CYP2U1: variants seen among roughly 807,000 people sequenced by gnomAD.
The protein encoded by CYP2U1 is cytochrome P450 2U1.
In CYP2U1, 28 loss-of-function variants were observed where a neutral mutation model predicts 42.8. That is an observed-to-expected ratio of 0.65 (90% confidence interval 0.48 to 0.90). CYP2U1 has a LOEUF of 0.90. CYP2U1 is among the 40% of genes least tolerant of loss of function. CYP2U1 has a pLI of 0.00. For missense variants in CYP2U1, 642 were observed against 693.8 expected (o/e 0.93, Z 0.84); for synonymous variants, 296 against 278.9 (o/e 1.06, Z -0.61).
intron 1 of CYP2U1, among the ~76,000 whole-genome samples, chr4:107,943,374 T>C (rs181298288): frequency 5.2e-4 from 79 of 152,314 alleles, no homozygotes; most frequent in Admixed American, 4.5e-3. Context: ...TCTGAGGAAG[T>C]CCAATGGTAA....
intron 1 of CYP2U1, among the ~76,000 whole-genome samples, chr4:107,941,583 A>G (rs577577177): frequency 3.3e-5 from 5 of 151,922 alleles, no homozygotes; most frequent in African/African-American, 9.7e-5. Context: ...TAAACCAGGT[A>G]AGGTAGCAAA....
chr4:107,936,481 T>A (rs1475945163), intron 1 of CYP2U1: 1 of 152,988 alleles, frequency 6.5e-6, no homozygotes, highest in Non-Finnish European at 1.5e-5. Flanking sequence ...TTTCATCCTC[T>A]CTTACCCTTC....
At chr4:107,937,032 GA>G (rs1733297012) in intron 1 of CYP2U1, among the ~76,000 whole-genome samples, 1 of 152,184 alleles carries the variant, frequency 6.6e-6, no homozygotes, top group African/African-American at 2.4e-5. Context: ...AGTAGAAAAA[GA>G]AACACTGATT....
chr4:107,948,987 C>G (rs1285031815), intron 3 of CYP2U1, among the ~76,000 whole-genome samples: 1 of 152,096 alleles, frequency 6.6e-6, no homozygotes, highest in African/African-American at 2.4e-5. Context: ...ACATAAATGA[C>G]CCTGTAAACT....
chr4:107,934,171 T>G (rs938393281), intron 1 of CYP2U1, among the ~76,000 whole-genome samples: 1 of 79,660 alleles, frequency 1.3e-5, no homozygotes, highest in Non-Finnish European at 2.4e-5. Context: ...TCACCAACAC[T>G]TCTTTTTTTT....
At chr4:107,934,260 C>G (rs570763724) in intron 1 of CYP2U1, among the ~76,000 whole-genome samples, 47 of 151,608 alleles carry the variant, frequency 3.1e-4, no homozygotes, top group Non-Finnish European at 1.9e-4. Context: ...GCTTCCCTAC[C>G]CTGCAGAAGG....
chr4:107,948,427 G>T (rs1056860248), intron 3 of CYP2U1, among the ~76,000 whole-genome samples: 1 of 152,076 alleles, frequency 6.6e-6, no homozygotes, highest in African/African-American at 2.4e-5. Flanking sequence ...AGCCAGGCAT[G>T]GTGGCACACT....
At chr4:107,947,971 A>T (rs1733760629) in intron 3 of CYP2U1, among the ~76,000 whole-genome samples, 1 of 152,194 alleles carries the variant, frequency 6.6e-6, no homozygotes, top group Admixed American at 6.5e-5. Flanking sequence ...AAGCATAAAT[A>T]TGAAATAATT....
In CYP2U1 at chr4:107,945,264, G is replaced by C. The variant is rs764172871; in HGVS notation, c.785G>C (p.Cys262Ser). 3 of 1,614,068 alleles carry C rather than the reference G, an allele frequency of 1.9e-6. No individual in the cohort carries two copies. The Admixed American group carries it at 5.0e-5, about 27-fold the overall frequency. ...TTTATGTCACGAGGCCTAGAAATCT[G>C]TCTGAACAGTCAAGTCCTCCTGGTC... ...LGFMSRGLEI[C>S]LNSQVLLVNI... Residue 262 changes from cysteine to serine, a missense_variant, in exon 2 of 5, where the codon TGT becomes TCT. Cys to Ser is a moderately radical substitution (Grantham distance 112). Coordinates refer to ENST00000332884, the MANE Select transcript of CYP2U1 (RefSeq NM_183075.3).
At position 107,952,034 on chromosome 4, in the gene CYP2U1, G is replaced by A. The variant is rs567686804; in HGVS notation, c.*1611G>A. The A allele has an allele frequency of 6.6e-6, 1 of 152,426 alleles. No homozygotes were observed. Among genetic ancestry groups the A allele is most frequent in the East Asian group, 1.9e-4 (1 of 5,184 alleles). The allele number at this position is 152,426 out of a possible 1,614,324, so 9.4% of individuals were successfully genotyped here. The stretch of plus-strand genomic sequence containing the variant: ...CCCCTTGGCCTCATGCTGGAGTTGT[G>A]TGTGTCTGTCTTCATCCCAGGCTGA... On this transcript the variant is annotated 3_prime_UTR_variant, in exon 5 of 5. Coordinates refer to ENST00000332884, the MANE Select transcript of CYP2U1 (RefSeq NM_183075.3).
chr4:107,932,111 C>T lies in CYP2U1; in HGVS notation c.468C>T (p.Ile156=), dbSNP rs1168420766. 6.2e-7 allele frequency: 1 copy of T among 1,603,242 alleles called. No individual in the cohort carries two copies. ...VFSDRPRVPL[I]SIVTKEKGVV... ...GCGACCGCCCGCGGGTGCCGCTCAT[C>T]TCCATCGTGACCAAGGAGAAGGGTG... Residue 156 remains isoleucine, a synonymous_variant, in exon 1 of 5, where the codon ATC becomes ATT. Transcript: ENST00000332884.
In CYP2U1 at chr4:107,944,852, T is replaced by TATATACATATATATA. The variant is rs536313224; in HGVS notation, c.491-118_491-117insATATACATATATATA. On this transcript the variant is annotated intron_variant, in intron 1 of 4. Coordinates refer to ENST00000332884, the MANE Select transcript of CYP2U1 (RefSeq NM_183075.3). ...TCTTTATATATACATATATATATAT[T>TATATACATATATATA]TATATGAGGAATTTTCCATAAGTGA... The TATATACATATATATA allele has an allele frequency of 0.33, 33,454 of 100,842 alleles. 5,175 individuals carry two copies. The highest frequency in any genetic ancestry group is 0.36 in the Non-Finnish European group (21,945 of 61,088). 6.2% of individuals were successfully genotyped at this position (100,842 alleles called of 1,614,324 possible). A position where few individuals can be genotyped will look rare whatever the true frequency, so the allele number is the denominator to read the frequency against.
Position 107,951,010 on chromosome 4 carries a change from C to T in CYP2U1, c.*587C>T, listed in dbSNP as rs1167432138. 1 of 152,162 alleles carries T rather than the reference C, an allele frequency of 6.6e-6. No individual in the cohort carries two copies. Among genetic ancestry groups the T allele is most frequent in the East Asian group, 1.9e-4 (1 of 5,196 alleles). The allele number at this position is 152,162 out of a possible 1,614,324, so 9.4% of individuals were successfully genotyped here. A position where few individuals can be genotyped will look rare whatever the true frequency, so the allele number is the denominator to read the frequency against. On this transcript the variant is annotated 3_prime_UTR_variant, in exon 5 of 5. Coordinates refer to ENST00000332884, the MANE Select transcript of CYP2U1 (RefSeq NM_183075.3). ...CTCAGCACAGATTCTATGCCAGCTT[C>T]TTTGGGCTTGTTCTGTCACTATCTT...
In CYP2U1 at chr4:107,932,052, C is replaced by T. The variant is rs1365871792; in HGVS notation, c.409C>T (p.Arg137Cys). 3.2e-6 allele frequency: 5 copies of T among 1,581,666 alleles called. No homozygotes were observed. The African/African-American group carries it at 4.0e-5, about 13-fold the overall frequency. Residue 137 changes from arginine (R) to cysteine (C), a missense_variant, in exon 1 of 5, where the codon CGC becomes TGC. By Grantham distance (180) the Arg-to-Cys change is radical. Transcript: ENST00000332884. ...GGTCCTCAGCGACTTCCACAGCGTG[C>T]GCGAGGCGCTGGTGCAGCAGGCCGA... ...VVVLSDFHSV[R>C]EALVQQAEVF...
At position 107,949,385 on chromosome 4, in the gene CYP2U1, A is replaced by G; in HGVS notation, c.1324A>G (p.Ile442Val). The G allele has an allele frequency of 6.3e-7, 1 of 1,593,190 alleles. No homozygotes were observed. Among genetic ancestry groups the G allele is most frequent in the Non-Finnish European group, 8.5e-7 (1 of 1,170,050 alleles). The part of the protein sequence containing the change: ...QGYTIPKGTL[I>V]LPNLWSVHRD... ...GTATACCATTCCTAAAGGCACATTGATCTTACCCAACCTGTGGTCAGTACA... is the reference window on the plus strand; with the variant it reads ...GTATACCATTCCTAAAGGCACATTGGTCTTACCCAACCTGTGGTCAGTACA... Residue 442 changes from isoleucine to valine, a missense_variant, in exon 4 of 5, where the codon ATC becomes GTC. Transcript: ENST00000332884.
intron 3 of CYP2U1, among the ~76,000 whole-genome samples, chr4:107,948,976 G>T (rs1733812926): frequency 6.6e-6 from 1 of 152,090 alleles, no homozygotes; most frequent in East Asian, 1.9e-4. Context: ...TTGTTATATG[G>T]ACATAAATGA....
chr4:107,945,069 C>T lies in CYP2U1; in HGVS notation c.590C>T (p.Pro197Leu). Residue 197 changes from proline (P) to leucine (L), a missense_variant, in exon 2 of 5, where the codon CCC becomes CTC. Pro to Leu is a moderately conservative substitution (Grantham distance 98). Transcript: ENST00000332884. ...HFGLGKLSLE[P>L]KIIEEFKYVK... is the part of the protein sequence containing the mutation. ...GGGTTGGGAAAACTTAGCTTGGAGC[C>T]CAAGATTATTGAGGAGTTCAAATAT... 1 of 1,613,240 alleles carries T rather than the reference C, an allele frequency of 6.2e-7. No homozygotes were observed. Among genetic ancestry groups the T allele is most frequent in the African/African-American group, 1.3e-5 (1 of 74,750 alleles).
chr4:107,942,110 G>A (rs922036808), intron 1 of CYP2U1, among the ~76,000 whole-genome samples: 1 of 152,172 alleles, frequency 6.6e-6, no homozygotes, highest in African/African-American at 2.4e-5. Flanking sequence ...TGGAGACATA[G>A]ACGCTACAAA....
Position 107,944,839 on chromosome 4 carries a change from C to CATAT in CYP2U1, c.491-122_491-119dup, listed in dbSNP as rs374845038. On this transcript the variant is annotated intron_variant, in intron 1 of 4. Transcript: ENST00000332884. ...TCTTGACTAGTGGTCTTTATATATA[C>CATAT]ATATATATATATTTATATGAGGAAT... 72 of 64,112 alleles carry CATAT rather than the reference C, an allele frequency of 1.1e-3. 12 individuals carry two copies. The highest frequency in any genetic ancestry group is 2.9e-3 in the African/African-American group (45 of 15,576). The allele number at this position is 64,112 out of a possible 1,614,324, so 4.0% of individuals were successfully genotyped here.
Sources: allele counts gnomAD v4.1 joint callset (sites outside exome capture counted in the v4.1 genomes callset), GRCh38; gene constraint gnomAD v4.1.1; transcripts MANE v1.5; gene names NCBI Gene and HGNC (gene_info 2026-07-23, HGNC 2026-07-21).